DLGAP1: variants seen among roughly 807,000 people sequenced by gnomAD.
The protein encoded by DLGAP1 is DLG associated protein 1.
DLGAP1 carries 11 observed loss-of-function variants against 90.8 expected under a neutral mutation model. The observed-to-expected ratio is 0.12, with a 90% confidence interval of 0.08 to 0.20. DLGAP1 has a LOEUF of 0.20. DLGAP1 is among the 10% of genes least tolerant of loss of function. The probability of loss-of-function intolerance (pLI) is 1.00; values close to 1 mark genes in which losing one functional copy is unlikely to be tolerated. For synonymous variants in DLGAP1, 558 were observed against 540.7 expected (o/e 1.03, Z -0.44); for missense variants, 1,050 against 1,333.8 (o/e 0.79, Z 3.31).
At chr18:4,337,070 T>C (rs9675874) in intron 1 of DLGAP1, among the ~76,000 whole-genome samples, 7 of 147,830 alleles carry the variant, frequency 4.7e-5, no homozygotes, top group Non-Finnish European at 7.4e-5. Flanking sequence ...GCCGAGATTG[T>C]GCCACTGCAC....
At chr18:4,307,843 G>A (rs1225066522) in intron 1 of DLGAP1, among the ~76,000 whole-genome samples, 3 of 151,198 alleles carry the variant, frequency 2.0e-5, no homozygotes, top group African/African-American at 7.3e-5. Flanking sequence ...AGCCTCTCGA[G>A]TTGCTGGAAT....
intron 5 of DLGAP1, among the ~76,000 whole-genome samples, chr18:3,810,316 C>T (rs1247290273): frequency 6.6e-6 from 1 of 152,074 alleles, no homozygotes; most frequent in African/African-American, 2.4e-5. Flanking sequence ...AAAAACCACC[C>T]ACATAAATAA....
chr18:3,816,793 C>G (rs1033877657), intron 4 of DLGAP1, among the ~76,000 whole-genome samples: 1 of 152,140 alleles, frequency 6.6e-6, no homozygotes, highest in Non-Finnish European at 1.5e-5. Context: ...CATATCTTGA[C>G]CACTGTTTAA....
intron 7 of DLGAP1, among the ~76,000 whole-genome samples, chr18:3,595,715 G>A (rs1337984916): frequency 6.6e-6 from 1 of 152,190 alleles, no homozygotes; most frequent in Non-Finnish European, 1.5e-5. Flanking sequence ...TTCCAGTAGG[G>A]AATGTGATCA....
intron 2 of DLGAP1, among the ~76,000 whole-genome samples, chr18:4,085,023 C>A (rs2075662205): frequency 6.6e-6 from 1 of 152,064 alleles, no homozygotes; most frequent in African/African-American, 2.4e-5. Context: ...AGTCTATGAA[C>A]CAGGGAGGTT....
At chr18:3,931,008 C>T (rs924346400) in intron 3 of DLGAP1, among the ~76,000 whole-genome samples, 1 of 152,166 alleles carries the variant, frequency 6.6e-6, no homozygotes, top group Non-Finnish European at 1.5e-5. Context: ...ACTGCCTACC[C>T]CTTCCTCTCC....
intron 2 of DLGAP1, among the ~76,000 whole-genome samples, chr18:4,077,525 T>C (rs1192539918): frequency 2.0e-5 from 3 of 152,064 alleles, no homozygotes; most frequent in Admixed American, 1.3e-4. Flanking sequence ...GTGAGTGACT[T>C]CTCACTCTAT....
At chr18:4,337,246 T>C (rs1226945583) in intron 1 of DLGAP1, among the ~76,000 whole-genome samples, 1 of 134,282 alleles carries the variant, frequency 7.4e-6, no homozygotes, top group Non-Finnish European at 1.5e-5. Context: ...CAAGTTGGAG[T>C]GCAGTGGCGC....
intron 2 of DLGAP1, among the ~76,000 whole-genome samples, chr18:4,140,566 A>G (rs913839763): frequency 2.0e-5 from 3 of 151,980 alleles, no homozygotes; most frequent in Non-Finnish European, 4.4e-5. Flanking sequence ...TAGTTTATAC[A>G]CCACAATTTA....
intron 3 of DLGAP1, among the ~76,000 whole-genome samples, chr18:3,976,250 C>T (rs2073576717): frequency 6.7e-6 from 1 of 150,090 alleles, no homozygotes; most frequent in Admixed American, 6.6e-5. Flanking sequence ...GTGGTGCATG[C>T]CTGTAATCCC....
chr18:3,822,748 C>A (rs1298712471), intron 4 of DLGAP1, among the ~76,000 whole-genome samples: 1 of 152,140 alleles, frequency 6.6e-6, no homozygotes, highest in Non-Finnish European at 1.5e-5. Context: ...ATTGGGGAGC[C>A]ATGGGCCTTT....
intron 1 of DLGAP1, among the ~76,000 whole-genome samples, chr18:4,200,343 G>T (rs1160841145): frequency 6.6e-6 from 1 of 151,564 alleles, no homozygotes; most frequent in African/African-American, 2.4e-5. Flanking sequence ...ATGATTACCA[G>T]ATTTTTATAT....
At chr18:3,507,872 G>C (rs2050329668) in intron 11 of DLGAP1, among the ~76,000 whole-genome samples, 1 of 151,768 alleles carries the variant, frequency 6.6e-6, no homozygotes, top group Non-Finnish European at 1.5e-5. Context: ...GAGTAGCTGG[G>C]ATTATAGGCA....
intron 4 of DLGAP1, among the ~76,000 whole-genome samples, chr18:3,819,707 G>A (rs2067299096): frequency 6.6e-6 from 1 of 151,132 alleles, no homozygotes; most frequent in Non-Finnish European, 1.5e-5. Context: ...AACTAGTGTA[G>A]GGTGACACTG....
At chr18:3,790,066 G>C (rs1434127761) in intron 5 of DLGAP1, among the ~76,000 whole-genome samples, 1 of 152,000 alleles carries the variant, frequency 6.6e-6, no homozygotes, top group Non-Finnish European at 1.5e-5. Context: ...TTAGTTTGAG[G>C]AGATGCCTAT....
intron 2 of DLGAP1, among the ~76,000 whole-genome samples, chr18:4,025,749 G>A (rs1420719007): frequency 6.6e-6 from 1 of 152,012 alleles, no homozygotes; most frequent in Non-Finnish European, 1.5e-5. Context: ...AATAATTCAA[G>A]CCATATATAT....
chr18:3,782,177 T>C (rs1372551643), intron 5 of DLGAP1, among the ~76,000 whole-genome samples: 1 of 151,802 alleles, frequency 6.6e-6, no homozygotes, highest in East Asian at 1.9e-4. Flanking sequence ...TGTTCTGTTG[T>C]CCAGGCTGGA....
At chr18:4,206,125 A>C (rs1006599138) in intron 1 of DLGAP1, among the ~76,000 whole-genome samples, 3 of 152,118 alleles carry the variant, frequency 2.0e-5, no homozygotes, top group African/African-American at 7.2e-5. Flanking sequence ...GACTGGAGAA[A>C]GGAGATTAGT....
In DLGAP1 at chr18:3,934,227, A is replaced by T. The variant is rs540729576; in HGVS notation, c.-72-54087T>A. Among the ~76,000 whole-genome samples, 5 of 152,348 alleles carry T rather than the reference A, an allele frequency of 3.3e-5. No individual in the cohort carries two copies. In the East Asian group the frequency reaches 5.8e-4, roughly 18 times the overall value. Reference sequence around the variant, plus strand: ...CACAGCCACGACACTGTAAAAGTAGATTGCAGTGATGTGAATTTCCCTAAA... The same window carrying T: ...CACAGCCACGACACTGTAAAAGTAGTTTGCAGTGATGTGAATTTCCCTAAA... On this transcript the variant is annotated intron_variant, in intron 3 of 12. Transcript: ENST00000315677.
Sources: allele counts gnomAD v4.1 joint callset (sites outside exome capture counted in the v4.1 genomes callset), GRCh38; gene constraint gnomAD v4.1.1; transcripts MANE v1.5; gene names NCBI Gene and HGNC (gene_info 2026-07-23, HGNC 2026-07-21).